ZFHX3: variants seen among roughly 807,000 people sequenced by gnomAD.
ZFHX3 encodes zinc finger homeobox protein 3.
A neutral mutation model predicts 279.1 loss-of-function variants in ZFHX3; 42 were observed. The ratio of observed to expected loss-of-function variants is 0.15; its 90% CI spans 0.12 to 0.19. The LOEUF (loss-of-function observed/expected upper bound fraction) is 0.19, where lower values mean the gene tolerates loss of function less well. ZFHX3 is among the 10% of genes least tolerant of loss of function. The pLI is 1.00. For synonymous variants in ZFHX3, 2,293 were observed against 1,957.8 expected (o/e 1.17, Z -4.52); for missense variants, 4,981 against 4,754.0 (o/e 1.05, Z -1.40).
chr16:73,659,537 T>G (rs987885), intron 2 of ZFHX3, among the ~76,000 whole-genome samples: 133,949 of 152,016 alleles, frequency 0.88, 59,124 homozygotes, highest in East Asian at 0.98. Context: ...GCACTCACAA[T>G]GTCTTAATGT....
chr16:72,821,663 T>C (rs541163514), intron 5 of ZFHX3, among the ~76,000 whole-genome samples: 62 of 152,298 alleles, frequency 4.1e-4, no homozygotes, highest in South Asian at 1.0e-3. Context: ...CACAGTTGGT[T>C]CACATCCTGG....
intron 3 of ZFHX3, among the ~76,000 whole-genome samples, chr16:73,368,182 C>T (rs921799954): frequency 2.6e-5 from 4 of 152,124 alleles, no homozygotes; most frequent in African/African-American, 4.8e-5. Flanking sequence ...CAAAGAAGGT[C>T]GTAACACTAC....
intron 2 of ZFHX3, among the ~76,000 whole-genome samples, chr16:73,521,323 T>C (rs979128178): frequency 1.3e-5 from 2 of 152,212 alleles, no homozygotes; most frequent in Non-Finnish European, 2.9e-5. Context: ...AGAATGGAGT[T>C]TGGCACATAA....
At chr16:73,687,850 A>C (rs1253558588) in intron 1 of ZFHX3, among the ~76,000 whole-genome samples, 1 of 123,284 alleles carries the variant, frequency 8.1e-6, no homozygotes, top group Non-Finnish European at 1.8e-5. Context: ...CTGTCTCAAA[A>C]AAAAAAAAAA....
At position 73,466,521 on chromosome 16, in the gene ZFHX3, G is replaced by A. The variant is rs544992302; in HGVS notation, c.-1546-10263C>T. 2.6e-5 allele frequency among the ~76,000 whole-genome samples: 4 copies of A among 152,236 alleles called. No homozygotes were observed. In the South Asian group the frequency reaches 8.3e-4, roughly 32 times the overall value. On this transcript the variant is annotated intron_variant, in intron 2 of 17. Transcript: ENST00000641206. ...CATCACCACCAAAACCCCACATCTAGAAGACTTTTATTACCTAGGCAAGCT... is the reference window on the plus strand; with the variant it reads ...CATCACCACCAAAACCCCACATCTAAAAGACTTTTATTACCTAGGCAAGCT...
At chr16:73,748,118 A>G (rs2053720806) in intron 1 of ZFHX3, among the ~76,000 whole-genome samples, 1 of 152,210 alleles carries the variant, frequency 6.6e-6, no homozygotes, top group Non-Finnish European at 1.5e-5. Flanking sequence ...GAGAAAATGT[A>G]GAATCTAACA....
intron 2 of ZFHX3, among the ~76,000 whole-genome samples, chr16:73,647,749 AAAG>A (rs1200064263): frequency 5.3e-5 from 8 of 152,208 alleles, no homozygotes. Flanking sequence ...AAAAAACAAA[AAAG>A]AAGGAAGAAA....
At chr16:73,540,155 G>C (rs1054458443) in intron 2 of ZFHX3, among the ~76,000 whole-genome samples, 7 of 152,184 alleles carry the variant, frequency 4.6e-5, no homozygotes, top group African/African-American at 1.7e-4. Context: ...TGTTTCTTTG[G>C]CCTGACGTGC....
chr16:72,848,393 T>C lies in ZFHX3; in HGVS notation c.3449-18534A>G, dbSNP rs972504655. On this transcript the variant is annotated intron_variant, in intron 4 of 9. Coordinates refer to ENST00000268489, the MANE Select transcript of ZFHX3 (RefSeq NM_006885.4). ...ATCAATATGCAAATTGCCCATGGCA[T>C]TGATCTAGTATTAATTTTCAATTAG... 5.9e-5 allele frequency among the ~76,000 whole-genome samples: 9 copies of C among 152,082 alleles called. No individual in the cohort carries two copies. In the East Asian group the frequency reaches 1.7e-3, roughly 29 times the overall value.
chr16:73,190,001 G>A (rs538777323), intron 5 of ZFHX3, among the ~76,000 whole-genome samples: 2 of 152,238 alleles, frequency 1.3e-5, no homozygotes, highest in East Asian at 3.9e-4. Flanking sequence ...GTGATGTTAT[G>A]GGCTCACCAA....
At chr16:73,497,006 G>C (rs2019153157) in intron 2 of ZFHX3, among the ~76,000 whole-genome samples, 1 of 152,160 alleles carries the variant, frequency 6.6e-6, no homozygotes, top group Non-Finnish European at 1.5e-5. Flanking sequence ...TCAGGCTGAG[G>C]GTGGTCACAG....
chr16:73,106,358 C>T (rs1375525871), intron 7 of ZFHX3, among the ~76,000 whole-genome samples: 1 of 152,042 alleles, frequency 6.6e-6, no homozygotes, highest in Non-Finnish European at 1.5e-5. Flanking sequence ...ATGCTTTTTG[C>T]ATGGTGTCAG....
At chr16:73,348,707 C>A (rs1326600362) in intron 3 of ZFHX3, among the ~76,000 whole-genome samples, 1 of 152,316 alleles carries the variant, frequency 6.6e-6, no homozygotes, top group African/African-American at 2.4e-5. Context: ...TGCACTGAAC[C>A]CTTGGTGCTC....
At chr16:73,073,744 C>A (rs1335678423) in intron 8 of ZFHX3, among the ~76,000 whole-genome samples, 1 of 152,018 alleles carries the variant, frequency 6.6e-6, no homozygotes, top group Non-Finnish European at 1.5e-5. Context: ...ACTGATCCAC[C>A]AGCCTCGGCC....
chr16:73,349,342 CAGA>C (rs1373200019), intron 3 of ZFHX3, among the ~76,000 whole-genome samples: 1 of 152,170 alleles, frequency 6.6e-6, no homozygotes, highest in Non-Finnish European at 1.5e-5. Context: ...ATCACCTGAT[CAGA>C]AGAATTACCT....
At chr16:72,952,184 G>A (rs758673543) in intron 2 of ZFHX3, among the ~76,000 whole-genome samples, 40 of 152,248 alleles carry the variant, frequency 2.6e-4, no homozygotes, top group Non-Finnish European at 4.7e-4. Context: ...AGGCTGCAGT[G>A]AGCTGAGACC....
chr16:73,076,090 C>T (rs573096677), intron 8 of ZFHX3, among the ~76,000 whole-genome samples: 69 of 152,298 alleles, frequency 4.5e-4, no homozygotes, highest in Non-Finnish European at 9.0e-4. Flanking sequence ...TAACAGTGCA[C>T]ACCCCACAGG....
chr16:73,092,257 C>A (rs1567660982), intron 8 of ZFHX3: 1 of 152,214 alleles, frequency 6.6e-6, no homozygotes, highest in Non-Finnish European at 1.5e-5. Context: ...TATATATTTA[C>A]ACATGCACAC....
At chr16:72,846,447 G>A (rs1048259349) in intron 4 of ZFHX3, among the ~76,000 whole-genome samples, 2 of 111,934 alleles carry the variant, frequency 1.8e-5, no homozygotes, top group African/African-American at 3.6e-5. Flanking sequence ...GCAGCATCCT[G>A]TAGGCCTTGC....
Sources: allele counts gnomAD v4.1 joint callset (sites outside exome capture counted in the v4.1 genomes callset), GRCh38; gene constraint gnomAD v4.1.1; transcripts MANE v1.5; gene names NCBI Gene and HGNC (gene_info 2026-07-23, HGNC 2026-07-21).